Variants in LDAH observed in about 807,000 individuals in gnomAD.
LDAH encodes the protein lipid droplet associated hydrolase.
A neutral mutation model predicts 29.6 loss-of-function variants in LDAH; 26 were observed. The observed-to-expected ratio is 0.88, with a 90% CI of 0.64 to 1.22. The LOEUF is 1.22. Ranked by LOEUF, LDAH falls within the 50% of genes most tolerant of loss-of-function variation. The pLI, the probability that LDAH is intolerant of heterozygous loss-of-function variation, is 0.00. For missense variants in LDAH, 344 were observed against 387.3 expected, an observed-to-expected ratio of 0.89 and a Z score of 0.94; for synonymous variants, 117 against 133.0, an observed-to-expected ratio of 0.88 and a Z score of 0.83.
intron 1 of LDAH, among the ~76,000 whole-genome samples, chr2:20,809,235 CAA>C (rs56974629): frequency 3.7e-5 from 5 of 133,912 alleles, no homozygotes; most frequent in African/African-American, 8.6e-5. Flanking sequence ...ACTAGAAATA[CAA>C]AAAAAAAAAA....
chr2:20,696,340 G>A (rs1351203634), intron 6 of LDAH, among the ~76,000 whole-genome samples: 1 of 152,314 alleles, frequency 6.6e-6, no homozygotes, highest in East Asian at 1.9e-4. Context: ...CAATAGCAGA[G>A]GAGTTCCTGT....
intron 2 of LDAH, among the ~76,000 whole-genome samples, chr2:20,797,518 C>A (rs1015773042): frequency 2.0e-5 from 3 of 152,116 alleles, no homozygotes; most frequent in Non-Finnish European, 4.4e-5. Flanking sequence ...CTCTGTTTTG[C>A]CCGAGACTGT....
In LDAH at chr2:20,743,558, T is replaced by C. The variant is rs181912371; in HGVS notation, c.469-3353A>G. On this transcript the variant is annotated intron_variant, in intron 4 of 6. Transcript: ENST00000237822. ...TAAGCATACATATAACATATAAACA[T>C]ACAAAATCGAAAGCACTGTTGCTAT... Among the ~76,000 whole-genome samples the C allele has an allele frequency of 2.9e-3, 449 of 152,284 alleles. 4 individuals are homozygous for C. The highest frequency in any genetic ancestry group is 4.9e-3 in the Non-Finnish European group (334 of 68,024).
intron 5 of LDAH, among the ~76,000 whole-genome samples, chr2:20,730,995 C>T (rs1461346403): frequency 6.6e-6 from 1 of 152,220 alleles, no homozygotes; most frequent in African/African-American, 2.4e-5. Flanking sequence ...CCACTTTATT[C>T]TTCTTTTACA....
At chr2:20,796,862 C>T (rs774173529) in intron 2 of LDAH, among the ~76,000 whole-genome samples, 7 of 152,182 alleles carry the variant, frequency 4.6e-5, no homozygotes, top group Non-Finnish European at 8.8e-5. Context: ...GGTCTCAACT[C>T]TCAACAGAAA....
chr2:20,786,564 T>C (rs1474288422), intron 3 of LDAH, among the ~76,000 whole-genome samples: 2 of 152,196 alleles, frequency 1.3e-5, no homozygotes, highest in Admixed American at 1.3e-4. Flanking sequence ...TGTTTTTTTT[T>C]CCTCCATTGC....
In LDAH at chr2:20,685,823, C is replaced by T. The variant is rs1164267517; in HGVS notation, c.*1080G>A. On this transcript the variant is annotated 3_prime_UTR_variant, in exon 7 of 7. Coordinates refer to ENST00000237822, the MANE Select transcript of LDAH (RefSeq NM_021925.4). ...TCAATGTGTCTAGAGAAGGTGAATTCACATAACTTAATGGCTGGGTTTGGT... is the reference window on the plus strand; with the variant it reads ...TCAATGTGTCTAGAGAAGGTGAATTTACATAACTTAATGGCTGGGTTTGGT... The T allele has an allele frequency of 1.4e-6, 1 of 727,644 alleles. No homozygotes were observed. The highest frequency in any genetic ancestry group is 2.0e-6 in the Non-Finnish European group (1 of 500,342). 45.1% of individuals were successfully genotyped at this position (727,644 alleles called of 1,614,324 possible). A position where few individuals can be genotyped will look rare whatever the true frequency, so the allele number is the denominator to read the frequency against.
intron 5 of LDAH, among the ~76,000 whole-genome samples, chr2:20,714,068 C>G (rs1291007369): frequency 6.6e-6 from 1 of 152,214 alleles, no homozygotes; most frequent in African/African-American, 2.4e-5. Context: ...CCCAAATCAA[C>G]AGAATATACC....
chr2:20,695,954 C>T (rs1283986892), intron 6 of LDAH, among the ~76,000 whole-genome samples: 2 of 152,168 alleles, frequency 1.3e-5, no homozygotes, highest in Admixed American at 1.3e-4. Context: ...CTCTCCAGCA[C>T]GTTTGCCTCC....
At chr2:20,747,712 AT>A (rs1483088255) in intron 4 of LDAH, among the ~76,000 whole-genome samples, 2 of 152,194 alleles carry the variant, frequency 1.3e-5, no homozygotes, top group Non-Finnish European at 2.9e-5. Context: ...AAAACTTCAT[AT>A]GTCAGAAAGA....
intron 5 of LDAH, among the ~76,000 whole-genome samples, chr2:20,726,389 G>A (rs1666016243): frequency 6.6e-6 from 1 of 152,322 alleles, no homozygotes; most frequent in South Asian, 2.1e-4. Context: ...ATTTAGGGTT[G>A]AGGACGAGCT....
Position 20,740,083 on chromosome 2 carries a change from T to C in LDAH, c.591A>G (p.Leu197=). 6.2e-7 allele frequency: 1 copy of C among 1,614,136 alleles called. No homozygotes were observed. The highest frequency in any genetic ancestry group is 8.5e-7 in the Non-Finnish European group (1 of 1,179,992). The change falls in exon 5 of 7, where the codon TTA becomes TTG. Residue 197 remains leucine (L), a synonymous_variant. Transcript: ENST00000237822. ...TGATTGTCTCAGGACACGGTTTCAATAATAAGTAGCCAGTAACATAGAGAA... is the reference window on the plus strand; with the variant it reads ...TGATTGTCTCAGGACACGGTTTCAACAATAAGTAGCCAGTAACATAGAGAA... ...RYVLYVTGYL[L]LKPCPETIKS...
intron 1 of LDAH, among the ~76,000 whole-genome samples, chr2:20,822,315 T>C (rs962655906): frequency 3.9e-5 from 6 of 152,034 alleles, no homozygotes; most frequent in Non-Finnish European, 1.5e-5. Flanking sequence ...GTATTTATTT[T>C]TGTATTTTTA....
intron 1 of LDAH, among the ~76,000 whole-genome samples, chr2:20,803,219 A>G (rs1671841200): frequency 6.6e-6 from 1 of 152,174 alleles, no homozygotes; most frequent in African/African-American, 2.4e-5. Context: ...AAGGCTGAAA[A>G]ACAACACTGC....
chr2:20,693,899 G>A (rs962762560), intron 6 of LDAH, among the ~76,000 whole-genome samples: 1 of 152,256 alleles, frequency 6.6e-6, no homozygotes, highest in Non-Finnish European at 1.5e-5. Flanking sequence ...CAGCACTAGA[G>A]ACAGTGACCA....
intron 5 of LDAH, among the ~76,000 whole-genome samples, chr2:20,721,320 C>T (rs1210510260): frequency 6.6e-6 from 1 of 152,024 alleles, no homozygotes; most frequent in Non-Finnish European, 1.5e-5. Context: ...GGACCAAAGA[C>T]CTGAATAGAA....
chr2:20,748,867 G>A (rs1667766972), intron 4 of LDAH, among the ~76,000 whole-genome samples: 1 of 152,152 alleles, frequency 6.6e-6, no homozygotes, highest in Admixed American at 6.5e-5. Flanking sequence ...TTGGCATAAA[G>A]TTGGAGCTGG....
In LDAH at chr2:20,711,146, T is replaced by C. The variant is rs368993209; in HGVS notation, c.704-9494A>G. ...TGTCACGCCTGTAATCCCAGCACTT[T>C]GGGAGGCTGAGACGGGCGGATCACA... is the stretch of plus-strand genomic sequence containing the variant. On this transcript the variant is annotated intron_variant, in intron 5 of 6. Transcript: ENST00000237822. Among the ~76,000 whole-genome samples the C allele has an allele frequency of 2.9e-3, 442 of 152,136 alleles. 3 individuals are homozygous for C. Among genetic ancestry groups the C allele is most frequent in the African/African-American group, 0.01 (416 of 41,512 alleles).
intron 4 of LDAH, among the ~76,000 whole-genome samples, chr2:20,749,577 CCACAGAAGCTGCCCCAGGACA>C (rs1267055085): frequency 5.3e-5 from 8 of 152,260 alleles, no homozygotes; most frequent in Non-Finnish European, 7.4e-5. Flanking sequence ...GGGATTTCTG[CCACAGAAGCTGCCCCAGGACA>C]CTCTCAGCGT....
Sources: allele counts gnomAD v4.1 joint callset (sites outside exome capture counted in the v4.1 genomes callset), GRCh38; gene constraint gnomAD v4.1.1; transcripts MANE v1.5; gene names NCBI Gene and HGNC (gene_info 2026-07-23, HGNC 2026-07-21).